Variants in RNF144B observed in about 807,000 individuals in gnomAD.
RNF144B encodes the protein E3 ubiquitin-protein ligase RNF144B.
In RNF144B, 25 loss-of-function variants were observed where a neutral mutation model predicts 40.2. That is an observed-to-expected ratio of 0.62 (90% CI 0.45 to 0.87). The LOEUF is 0.87. RNF144B is among the 40% of genes least tolerant of loss of function. RNF144B has a pLI of 0.00. For synonymous variants in RNF144B, 145 were observed against 136.3 expected (o/e 1.06, Z -0.44); for missense variants, 365 against 373.7 (o/e 0.98, Z 0.19).
At chr6:18,435,430 C>A (rs1758795304) in intron 3 of RNF144B, among the ~76,000 whole-genome samples, 1 of 152,034 alleles carries the variant, frequency 6.6e-6, no homozygotes, top group Non-Finnish European at 1.5e-5. Context: ...GAAGGGACAG[C>A]TTTTTCTTAC....
chr6:18,452,124 G>C (rs1470105643), intron 4 of RNF144B, among the ~76,000 whole-genome samples: 1 of 152,212 alleles, frequency 6.6e-6, no homozygotes, highest in East Asian at 1.9e-4. Flanking sequence ...GGTATTATTA[G>C]TATGTGCATT....
At chr6:18,429,174 G>A (rs1291534605) in intron 3 of RNF144B, among the ~76,000 whole-genome samples, 2 of 152,040 alleles carry the variant, frequency 1.3e-5, no homozygotes, top group East Asian at 3.9e-4. Flanking sequence ...CTCCAGCCTG[G>A]GCAATAGAGT....
rs1759077185 is a variant in RNF144B, at chr6:18,446,168, T to TC, written c.331+6425dup. The stretch of plus-strand genomic sequence containing the variant: ...ATGTCTGATGACTCTCTGCATTTTT[T>TC]CTATTTCTACTAAACCTGGCCTCTA... On this transcript the variant is annotated intron_variant, in intron 4 of 7. Coordinates refer to ENST00000259939, the MANE Select transcript of RNF144B (RefSeq NM_182757.4). This position sits in a 1 kb window ranked among gnomAD's most constrained non-coding sequence, Gnocchi z 4.7. Among the ~76,000 whole-genome samples the TC allele has an allele frequency of 1.3e-5, 2 of 152,222 alleles. No homozygotes were observed. Among genetic ancestry groups the TC allele is most frequent in the African/African-American group, 4.8e-5 (2 of 41,466 alleles).
At chr6:18,391,188 T>G (rs1332508954) in intron 1 of RNF144B, among the ~76,000 whole-genome samples, 1 of 152,218 alleles carries the variant, frequency 6.6e-6, no homozygotes, top group Non-Finnish European at 1.5e-5. Flanking sequence ...ATAAGGCTCT[T>G]TGAAATACCA....
chr6:18,465,050 G>T lies in RNF144B; in HGVS notation c.895G>T (p.Asp299Tyr), dbSNP rs757977885. 1.2e-6 allele frequency: 2 copies of T among 1,613,474 alleles called. No individual in the cohort carries two copies. Among genetic ancestry groups the T allele is most frequent in the Admixed American group, 1.7e-5 (1 of 59,922 alleles). The change falls in exon 8 of 8, where the codon GAC becomes TAC. Residue 299 changes from aspartate (D) to tyrosine (Y), a missense_variant. Asp to Tyr is a radical substitution (Grantham distance 160, BLOSUM62 -3). Coordinates refer to ENST00000259939, the MANE Select transcript of RNF144B (RefSeq NM_182757.4). ...KSCRGKKKKHDPSTT is the reference protein window; with the variant it reads ...KSCRGKKKKHYPSTT Reference sequence around the variant, plus strand: ...CTGTCGGGGCAAGAAGAAAAAGCACGACCCATCCACAACCTAAAGATCTCT... The same window carrying T: ...CTGTCGGGGCAAGAAGAAAAAGCACTACCCATCCACAACCTAAAGATCTCT...
Position 18,464,897 on chromosome 6 carries a change from C to G in RNF144B, c.772-30C>G. On this transcript the variant is annotated intron_variant, in intron 7 of 7. Coordinates refer to ENST00000259939, the MANE Select transcript of RNF144B (RefSeq NM_182757.4). This position sits in a 1 kb window ranked among gnomAD's most constrained non-coding sequence, Gnocchi z 6.1. ...GTATACATATTGAAAGACTTAATTG[C>G]TGAAATATGCTTTTCTTTGAAATTT... 1.9e-6 allele frequency: 3 copies of G among 1,611,488 alleles called. No homozygotes were observed. The highest frequency in any genetic ancestry group is 2.5e-6 in the Non-Finnish European group (3 of 1,177,972).
chr6:18,427,940 A>G (rs6932106), intron 3 of RNF144B, among the ~76,000 whole-genome samples: 18,222 of 152,102 alleles, frequency 0.12, 1,296 homozygotes, highest in Admixed American at 0.19. Flanking sequence ...CCAGAAATCA[A>G]ATTTACCAAA....
intron 1 of RNF144B, among the ~76,000 whole-genome samples, chr6:18,392,564 G>C (rs1794606226): frequency 1.3e-5 from 2 of 151,784 alleles, no homozygotes; most frequent in South Asian, 4.2e-4. Context: ...TGATCTCATT[G>C]CCATCCTAGA....
rs564217297 is a variant in RNF144B at position 18,455,918 on chromosome 6, G to GT, written c.332-1229dup. ...TTTTTTTTGTTTGTTTTTTGTTTTT[G>GT]TTTTTTTTGTTTTGTTTTTTTTGAG... On this transcript the variant is annotated intron_variant, in intron 4 of 7. Coordinates refer to ENST00000259939, the MANE Select transcript of RNF144B (RefSeq NM_182757.4). 1.9e-4 allele frequency among the ~76,000 whole-genome samples: 28 copies of GT among 151,250 alleles called. No homozygotes were observed. In the East Asian group the frequency reaches 3.5e-3, roughly 19 times the overall value.
chr6:18,391,377 G>A (rs1424361986), intron 1 of RNF144B, among the ~76,000 whole-genome samples: 1 of 152,156 alleles, frequency 6.6e-6, no homozygotes, highest in African/African-American at 2.4e-5. Context: ...AAGGCACAGT[G>A]GTGATATTGA....
chr6:18,403,836 G>A (rs1794840536), intron 2 of RNF144B, among the ~76,000 whole-genome samples: 1 of 152,192 alleles, frequency 6.6e-6, no homozygotes, highest in Non-Finnish European at 1.5e-5. Flanking sequence ...TCAAAACACA[G>A]CAGAGAAGGT....
Position 18,467,496 on chromosome 6 carries a change from G to C in RNF144B, c.*2429G>C, listed in dbSNP as rs1759598038. 1 of 140,832 alleles carries C rather than the reference G, an allele frequency of 7.1e-6. No individual in the cohort carries two copies. The highest frequency in any genetic ancestry group is 1.5e-5 in the Non-Finnish European group (1 of 66,318). The allele number at this position is 140,832 out of a possible 1,614,324, so 8.7% of individuals were successfully genotyped here. A position where few individuals can be genotyped will look rare whatever the true frequency, so the allele number is the denominator to read the frequency against. On this transcript the variant is annotated 3_prime_UTR_variant, in exon 8 of 8. Transcript: ENST00000259939. ...ATTTAATTTTTTTTAACATTGAAAA[G>C]TGCCTGAAAAATGGTAAATTCTTAA...
In RNF144B at chr6:18,448,756, C is replaced by G. The variant is rs1335469863; in HGVS notation, c.332-8399C>G. ...TAGAACCAGCAAAAGTTTCATGAAA[C>G]TAATGTGAGATGCACCCTACTTTCT... On this transcript the variant is annotated intron_variant, in intron 4 of 7. Transcript: ENST00000259939. This position sits in a 1 kb window ranked among gnomAD's most constrained non-coding sequence, Gnocchi z 4.0. 6.6e-6 allele frequency among the ~76,000 whole-genome samples: 1 copy of G among 151,112 alleles called. No individual in the cohort carries two copies. The highest frequency in any genetic ancestry group is 1.5e-5 in the Non-Finnish European group (1 of 67,808).
At chr6:18,411,526 C>A in intron 2 of RNF144B, among the ~76,000 whole-genome samples, 1 of 26,158 alleles carries the variant, frequency 3.8e-5, no homozygotes, top group Non-Finnish European at 8.8e-5. Flanking sequence ...TTTTTTGAGA[C>A]GGAGTTGTGC....
intron 2 of RNF144B, among the ~76,000 whole-genome samples, chr6:18,403,753 GTT>G (rs1402988951): frequency 1.3e-5 from 2 of 152,180 alleles, no homozygotes; most frequent in Non-Finnish European, 2.9e-5. Flanking sequence ...TTAGCTCACA[GTT>G]TTGCAGGTGG....
chr6:18,438,967 C>G (rs1447474231), intron 3 of RNF144B, among the ~76,000 whole-genome samples: 1 of 152,072 alleles, frequency 6.6e-6, no homozygotes, highest in Non-Finnish European at 1.5e-5. Context: ...GGTTTAAGAG[C>G]AGTTAGCTTT....
rs1759129357 is a variant in RNF144B, at chr6:18,448,319, T to A, written c.331+8575T>A. On this transcript the variant is annotated intron_variant, in intron 4 of 7. Coordinates refer to ENST00000259939, the MANE Select transcript of RNF144B (RefSeq NM_182757.4). The surrounding 1 kb of genome is among the most constrained non-coding windows in gnomAD (Gnocchi z 4.0). ...TTTACTTGGGGGTAGGTTTAGGTCA[T>A]CTCTATCAGGAAAGAAGGTGGAGAG... Among the ~76,000 whole-genome samples the A allele has an allele frequency of 6.6e-6, 1 of 151,872 alleles. No individual in the cohort carries two copies. The highest frequency in any genetic ancestry group is 1.5e-5 in the Non-Finnish European group (1 of 67,954).
chr6:18,400,068 G>A lies in RNF144B; in HGVS notation c.165+369G>A, dbSNP rs952805628. ...GGGCGGATCACAAGGTCAGAAGATC[G>A]AGACCATCCTAGCTAACATGGTAAA... is the stretch of plus-strand genomic sequence containing the variant. On this transcript the variant is annotated intron_variant, in intron 2 of 7. Coordinates refer to ENST00000259939, the MANE Select transcript of RNF144B (RefSeq NM_182757.4). This position sits in a 1 kb window ranked among gnomAD's most constrained non-coding sequence, Gnocchi z 5.6. 1.3e-5 allele frequency among the ~76,000 whole-genome samples: 2 copies of A among 151,968 alleles called. No individual in the cohort carries two copies. The highest frequency in any genetic ancestry group is 1.9e-4 in the East Asian group (1 of 5,160).
intron 1 of RNF144B, among the ~76,000 whole-genome samples, chr6:18,399,153 C>A (rs1218361652): frequency 6.6e-6 from 1 of 152,198 alleles, no homozygotes; most frequent in Non-Finnish European, 1.5e-5. Context: ...TAACTCTAGT[C>A]ACCAAGCTGC....
Sources: allele counts gnomAD v4.1 joint callset (sites outside exome capture counted in the v4.1 genomes callset), GRCh38; gene constraint gnomAD v4.1.1; non-coding constraint Gnocchi (gnomAD v3.1); transcripts MANE v1.5; gene names NCBI Gene and HGNC (gene_info 2026-07-23, HGNC 2026-07-21).